The following BARD1 variants were observed in gnomAD, a reference collection of about 807,000 sequenced individuals.
The protein encoded by BARD1 is BRCA1 associated RING domain 1.
Under a neutral mutation model 77.0 loss-of-function variants are expected in BARD1, and 73 were observed. The observed-to-expected ratio is 0.95, with a 90% CI of 0.79 to 1.15. BARD1 has a LOEUF of 1.15. Ranked by LOEUF, BARD1 falls within the 50% of genes most tolerant of loss-of-function variation. The pLI, the probability that BARD1 is intolerant of heterozygous loss-of-function variation, is 0.00. For missense variants in BARD1, 993 were observed against 938.8 expected, an observed-to-expected ratio of 1.06 and a Z score of -0.75; for synonymous variants, 384 against 338.0, an observed-to-expected ratio of 1.14 and a Z score of -1.49.
intron 5 of BARD1, 128 bp downstream of exon 5, chr2:214,769,104 T>C (rs923425146): frequency 6.4e-6 from 5 of 783,168 alleles, no homozygotes; most frequent in African/African-American, 1.8e-5. Flanking sequence ...TCATACTTGA[T>C]GAAAACATAA....
At chr2:214,794,280 T>G (rs1695660199) in intron 2 of BARD1, among the ~76,000 whole-genome samples, 1 of 152,006 alleles carries the variant, frequency 6.6e-6, no homozygotes, top group African/African-American at 2.4e-5. Context: ...AAAAAGCACT[T>G]GTCAAGTTTT....
At chr2:214,792,553 T>C (rs1248874455) in intron 2 of BARD1, 108 bp from the exon 3 acceptor site, 4 of 1,080,620 alleles carry the variant, frequency 3.7e-6, no homozygotes, top group Admixed American at 2.8e-5. Flanking sequence ...TATTCTAACA[T>C]ACAATGGTCA....
At chr2:214,744,576 T>C (rs1693006327) in intron 9 of BARD1, among the ~76,000 whole-genome samples, 1 of 152,288 alleles carries the variant, frequency 6.6e-6, no homozygotes, top group East Asian at 1.9e-4. Context: ...CCAGAACATA[T>C]GTATATACAT....
Position 214,781,260 on chromosome 2 carries a change from T to C in BARD1, c.614A>G (p.Lys205Arg), listed in dbSNP as rs587782437. The C allele has an allele frequency of 7.5e-6, 12 of 1,594,674 alleles. No individual in the cohort carries two copies. The highest frequency in any genetic ancestry group is 1.0e-5 in the Non-Finnish European group (12 of 1,175,304). ...AKKASARSGK[K>R]QKKKTLAEIN... ...TTCAGCTAAAGTTTTCTTTTTTTGC[T>C]TTTTTCCAGATCTTGCAGAAGCCTT... Residue 205 changes from lysine to arginine, a missense_variant, in exon 4 of 11, where the codon AAG becomes AGG. By Grantham distance (26) the Lys-to-Arg change is conservative. Coordinates refer to ENST00000260947, the MANE Select transcript of BARD1 (RefSeq NM_000465.4).
chr2:214,771,504 C>CA (rs1431519673), intron 4 of BARD1, among the ~76,000 whole-genome samples: 1 of 151,888 alleles, frequency 6.6e-6, no homozygotes, highest in African/African-American at 2.4e-5. Flanking sequence ...CTGAGGCAGG[C>CA]AAATCATGAG....
intron 9 of BARD1, among the ~76,000 whole-genome samples, chr2:214,732,992 G>C (rs1574712286): frequency 3.3e-5 from 5 of 152,068 alleles, no homozygotes; most frequent in Admixed American, 3.3e-4. Context: ...TTCTAATCTT[G>C]TAACTTGAAT....
At chr2:214,806,421 T>C (rs547058489) in intron 1 of BARD1, among the ~76,000 whole-genome samples, 17 of 152,302 alleles carry the variant, frequency 1.1e-4, no homozygotes, top group Non-Finnish European at 2.1e-4. Context: ...AGTTGCTCCT[T>C]GCCGGCAATG....
chr2:214,769,372 GCTT>G (rs1350531607), intron 4 of BARD1, 60 bp from the exon 5 acceptor site: 1 of 1,365,110 alleles, frequency 7.3e-7, no homozygotes, highest in Non-Finnish European at 1.0e-6. Flanking sequence ...AAAATATTGA[GCTT>G]TTTTAAATGC....
chr2:214,745,203 A>C, intron 8 of BARD1, 44 bp from the exon 9 acceptor site: 1 of 1,538,768 alleles, frequency 6.5e-7, no homozygotes, highest in Non-Finnish European at 9.0e-7. Flanking sequence ...GATACAAGCC[A>C]AAGTATTTCT....
intron 9 of BARD1, among the ~76,000 whole-genome samples, chr2:214,737,243 C>T (rs1376399856): frequency 6.6e-6 from 1 of 152,180 alleles, no homozygotes; most frequent in Non-Finnish European, 1.5e-5. Flanking sequence ...TTATGTTAGA[C>T]AAAACCAGAC....
At chr2:214,793,533 C>T (rs1695623760) in intron 2 of BARD1, among the ~76,000 whole-genome samples, 1 of 152,242 alleles carries the variant, frequency 6.6e-6, no homozygotes, top group African/African-American at 2.4e-5. Flanking sequence ...AAACTGATTA[C>T]TCATGCAATT....
chr2:214,790,031 T>A (rs1695444992), intron 3 of BARD1, among the ~76,000 whole-genome samples: 1 of 152,172 alleles, frequency 6.6e-6, no homozygotes, highest in Non-Finnish European at 1.5e-5. Flanking sequence ...TCAATTTTCC[T>A]AAATATCTTT....
At chr2:214,745,991 T>TCTAC (rs1330242742) in intron 7 of BARD1, 137 bp from the exon 8 acceptor site, 4 of 1,060,066 alleles carry the variant, frequency 3.8e-6, no homozygotes, top group Non-Finnish European at 5.6e-6. Context: ...TTCCATTGAA[T>TCTAC]CTACACCCAG....
Position 214,730,396 on chromosome 2 carries a change from T to C in BARD1, c.2001+15A>G. On this transcript the variant is annotated intron_variant, in intron 10 of 10. Transcript: ENST00000260947. ...CATAATAAGAACAATGAAAGTTGTA[T>C]TAAAAGAAAAATACCAGCTGTTCTC... 1 of 1,605,642 alleles carries C rather than the reference T, an allele frequency of 6.2e-7. No homozygotes were observed. Among genetic ancestry groups the C allele is most frequent in the Non-Finnish European group, 8.5e-7 (1 of 1,172,366 alleles).
chr2:214,796,703 T>A, intron 2 of BARD1: 1 of 230,366 alleles, frequency 4.3e-6, no homozygotes, highest in Non-Finnish European at 8.6e-6. Context: ...AGGAAACTAA[T>A]ATAATAACTG....
intron 6 of BARD1, among the ~76,000 whole-genome samples, chr2:214,759,645 A>G (rs1452475959): frequency 6.6e-6 from 1 of 152,210 alleles, no homozygotes; most frequent in Non-Finnish European, 1.5e-5. Flanking sequence ...AATCAAAACA[A>G]AAGAGAAAGT....
At chr2:214,803,774 G>A (rs536564680) in intron 1 of BARD1, among the ~76,000 whole-genome samples, 1 of 152,258 alleles carries the variant, frequency 6.6e-6, no homozygotes, top group South Asian at 2.1e-4. Flanking sequence ...CTTTGTATCT[G>A]TGTCTTTTTC....
chr2:214,786,957 A>G (rs527492934), intron 3 of BARD1, among the ~76,000 whole-genome samples: 1 of 151,992 alleles, frequency 6.6e-6, no homozygotes, highest in South Asian at 2.1e-4. Flanking sequence ...ATATAATCTC[A>G]AGTCTATAGG....
intron 4 of BARD1, among the ~76,000 whole-genome samples, chr2:214,778,256 T>A (rs1172360488): frequency 3.0e-5 from 4 of 134,858 alleles, no homozygotes; most frequent in South Asian, 4.5e-4. Context: ...TATAAGCAAA[T>A]CTGATTTTAA....
Sources: allele counts gnomAD v4.1 joint callset (sites outside exome capture counted in the v4.1 genomes callset), GRCh38; gene constraint gnomAD v4.1.1; transcripts MANE v1.5; gene names NCBI Gene and HGNC (gene_info 2026-07-23, HGNC 2026-07-21).